PLXNA4: variants seen among roughly 807,000 people sequenced by gnomAD.
PLXNA4 encodes the protein plexin A4.
A neutral mutation model predicts 191.8 loss-of-function variants in PLXNA4; 44 were observed. The observed-to-expected ratio is 0.23, with a 90% confidence interval of 0.18 to 0.29. PLXNA4 has a LOEUF of 0.29. Ranked by LOEUF, PLXNA4 falls within the 10% of genes least tolerant of loss-of-function variation. The pLI is 1.00. For missense variants in PLXNA4, 1,800 were observed against 2,488.8 expected (o/e 0.72, Z 5.89); for synonymous variants, 1,082 against 1,009.5 (o/e 1.07, Z -1.36).
At chr7:132,455,584 G>A (rs920750131) in intron 3 of PLXNA4, among the ~76,000 whole-genome samples, 15 of 152,270 alleles carry the variant, frequency 9.9e-5, no homozygotes, top group Middle Eastern at 3.4e-3. Context: ...TTGGGAGCCC[G>A]CGCAGTATGT....
At chr7:132,589,987 A>T (rs1802575488) in intron 2 of PLXNA4, among the ~76,000 whole-genome samples, 2 of 152,214 alleles carry the variant, frequency 1.3e-5, no homozygotes, top group Non-Finnish European at 2.9e-5. Context: ...GACACAGAGG[A>T]GGGAAAATAC....
intron 3 of PLXNA4, among the ~76,000 whole-genome samples, chr7:132,442,990 C>T (rs1037886380): frequency 6.6e-6 from 1 of 152,168 alleles, no homozygotes; most frequent in South Asian, 2.1e-4. Context: ...TTACCCAGCC[C>T]GTGCTGCACC....
chr7:132,195,449 A>G (rs966312594), intron 13 of PLXNA4, among the ~76,000 whole-genome samples: 2 of 152,204 alleles, frequency 1.3e-5, no homozygotes, highest in Non-Finnish European at 2.9e-5. Context: ...ATCCTTAGGC[A>G]TTGTATAGTA....
At chr7:132,332,028 C>T (rs1802608273) in intron 3 of PLXNA4, among the ~76,000 whole-genome samples, 1 of 152,174 alleles carries the variant, frequency 6.6e-6, no homozygotes, top group Non-Finnish European at 1.5e-5. Context: ...AAAATGCAAG[C>T]TCTGAATACA....
At chr7:132,219,015 A>T (rs2116936369) in intron 9 of PLXNA4, among the ~76,000 whole-genome samples, 1 of 152,314 alleles carries the variant, frequency 6.6e-6, no homozygotes, top group African/African-American at 2.4e-5. Context: ...CAACAAAGCT[A>T]CTGTTGAAAT....
chr7:132,179,225 TAC>T (rs143111929), intron 20 of PLXNA4, among the ~76,000 whole-genome samples: 3,813 of 85,090 alleles, frequency 0.045, 204 homozygotes, highest in African/African-American at 0.17. Flanking sequence ...CACATACACA[TAC>T]ACACACACAC....
intron 3 of PLXNA4, among the ~76,000 whole-genome samples, chr7:132,366,234 AAAAG>A (rs1804179159): frequency 6.6e-6 from 1 of 152,204 alleles, no homozygotes; most frequent in Admixed American, 6.5e-5. Context: ...TACCATTAAA[AAAAG>A]AGAGAGGCTA....
intron 2 of PLXNA4, among the ~76,000 whole-genome samples, chr7:132,594,258 T>C (rs1802658632): frequency 6.6e-6 from 1 of 152,196 alleles, no homozygotes; most frequent in Admixed American, 6.5e-5. Flanking sequence ...CAGACACCCG[T>C]ACATGGAGAA....
chr7:132,482,487 T>A (rs1227820876), intron 3 of PLXNA4, among the ~76,000 whole-genome samples: 1 of 152,130 alleles, frequency 6.6e-6, no homozygotes, highest in Non-Finnish European at 1.5e-5. Context: ...GTGGGATGAC[T>A]GCAGCCCCAG....
chr7:132,618,127 G>A (rs1287357072), intron 2 of PLXNA4, among the ~76,000 whole-genome samples: 1 of 152,182 alleles, frequency 6.6e-6, no homozygotes, highest in Non-Finnish European at 1.5e-5. Context: ...CAGCTGCAAG[G>A]GAGCCTGGGA....
chr7:132,239,679 T>G (rs1215330563), intron 5 of PLXNA4, among the ~76,000 whole-genome samples: 1 of 152,184 alleles, frequency 6.6e-6, no homozygotes, highest in Non-Finnish European at 1.5e-5. Context: ...CAATCTGCAT[T>G]CTGAATGCAA....
intron 1 of PLXNA4, chr7:132,646,137 G>C (rs1376558535): frequency 6.6e-6 from 1 of 152,462 alleles, no homozygotes; most frequent in South Asian, 2.1e-4. Context: ...ATCTTTCTCT[G>C]TCACCTCCTT....
intron 3 of PLXNA4, among the ~76,000 whole-genome samples, chr7:132,455,756 G>C (rs1046515600): frequency 6.6e-6 from 1 of 152,126 alleles, no homozygotes; most frequent in Non-Finnish European, 1.5e-5. Context: ...GCGGAGGGGT[G>C]GGGGAGTGGG....
chr7:132,451,055 C>T (rs1479330090), intron 3 of PLXNA4, among the ~76,000 whole-genome samples: 1 of 152,046 alleles, frequency 6.6e-6, no homozygotes, highest in East Asian at 1.9e-4. Context: ...GTCCTAGTTA[C>T]TCACTAACCC....
chr7:132,636,413 G>A (rs1168943359), intron 2 of PLXNA4, among the ~76,000 whole-genome samples: 1 of 152,184 alleles, frequency 6.6e-6, no homozygotes, highest in Non-Finnish European at 1.5e-5. Flanking sequence ...TGTTTCATGG[G>A]TGGGGCTTCT....
intron 14 of PLXNA4, among the ~76,000 whole-genome samples, chr7:132,189,036 GA>G (rs1562909172): frequency 1.3e-4 from 6 of 46,304 alleles, no homozygotes; most frequent in African/African-American, 6.8e-4. Context: ...GAGAAAGAGA[GA>G]GAGAGAGAGA....
intron 1 of PLXNA4, among the ~76,000 whole-genome samples, chr7:132,534,598 C>A (rs1433238940): frequency 6.6e-6 from 1 of 152,228 alleles, no homozygotes; most frequent in African/African-American, 2.4e-5. Context: ...AGCCTGAGAG[C>A]AGCCGGGAGC....
rs763445735 is a variant in PLXNA4 at position 132,228,440 on chromosome 7, G to A, written c.1634C>T (p.Ser545Phe). Reference sequence around the variant, plus strand: ...CGAGGCAAACCTGCGGGGCTCCTTGGACCGCTCACACCGCTCCTTCCGGGT... The same window carrying A: ...CGAGGCAAACCTGCGGGGCTCCTTGAACCGCTCACACCGCTCCTTCCGGGT... ...TCTRKERCER[S>F]KEPRRFASEM... Residue 545 changes from serine (S) to phenylalanine (F), a missense_variant, in exon 6 of 32, where the codon TCC becomes TTC. Physicochemically the swap from Ser to Phe is radical, Grantham distance 155. Transcript: ENST00000321063. 5.0e-6 allele frequency: 8 copies of A among 1,614,010 alleles called. No individual in the cohort carries two copies. The East Asian group carries it at 1.3e-4, about 27-fold the overall frequency.
At position 132,146,546 on chromosome 7, in the gene PLXNA4, C is replaced by T; in HGVS notation, c.5019G>A (p.Val1673=). 1.2e-6 allele frequency: 2 copies of T among 1,614,152 alleles called. No homozygotes were observed. The highest frequency in any genetic ancestry group is 1.7e-6 in the Non-Finnish European group (2 of 1,180,038). The change falls in exon 28 of 32, where the codon GTG becomes GTA. Residue 1673 remains valine (V), a synonymous_variant. Coordinates refer to ENST00000321063, the MANE Select transcript of PLXNA4 (RefSeq NM_020911.2). ...QKEGDRGSKM[V]SEIYLTRLLA... is the part of the protein sequence containing the mutation. Reference sequence around the variant, plus strand: ...GGAGTCGGGTCAGGTAGATTTCAGACACCATCTTGCTCCCCCGGTCCCCCT... The same window carrying T: ...GGAGTCGGGTCAGGTAGATTTCAGATACCATCTTGCTCCCCCGGTCCCCCT...
Sources: gnomAD v4.1 joint callset for allele counts (sites outside exome capture counted in the v4.1 genomes callset) on GRCh38, gnomAD v4.1.1 for gene constraint, MANE v1.5 for transcripts, NCBI Gene and HGNC (gene_info 2026-07-23, HGNC 2026-07-21) for gene names.